CHRNE: variants seen among roughly 807,000 people sequenced by gnomAD.
CHRNE encodes acetylcholine receptor subunit epsilon.
Under a neutral mutation model 56.5 loss-of-function variants are expected in CHRNE, and 58 were observed. That is an observed-to-expected ratio of 1.03 (90% CI 0.83 to 1.28). CHRNE has a LOEUF of 1.28. Ranked by LOEUF, CHRNE falls within the 50% of genes most tolerant of loss-of-function variation. The probability of loss-of-function intolerance (pLI) is 0.00; values close to 1 mark genes in which losing one functional copy is unlikely to be tolerated. For missense variants in CHRNE, 793 were observed against 688.9 expected, an observed-to-expected ratio of 1.15 and a Z score of -1.69; for synonymous variants, 385 against 297.9, an observed-to-expected ratio of 1.29 and a Z score of -3.01.
At chr17:4,907,432 G>A (rs894261292), upstream of CHRNE, among the ~76,000 whole-genome samples, 3 of 151,680 alleles carry the variant, frequency 2.0e-5, no homozygotes. Flanking sequence ...GCCGGGCATG[G>A]TGGCGGGCGC....
In CHRNE at chr17:4,902,251, G is replaced by A. The variant is rs1464207636; in HGVS notation, c.310C>T (p.Leu104Phe). The A allele has an allele frequency of 6.2e-7, 1 of 1,614,148 alleles. No individual in the cohort carries two copies. The highest frequency in any genetic ancestry group is 2.2e-5 in the East Asian group (1 of 44,850). ...GIETLRVPSE[L>F]VWLPEIVLEN... is the part of the protein sequence containing the mutation. ...AGCACAATCTCTGGCAGCCACACGAGTTCTGAAGGGACTCGCAGGGTTTCT... is the reference window on the plus strand; with the variant it reads ...AGCACAATCTCTGGCAGCCACACGAATTCTGAAGGGACTCGCAGGGTTTCT... Residue 104 changes from leucine to phenylalanine, a missense_variant, in exon 4 of 12, where the codon CTC becomes TTC. Leu to Phe is a conservative substitution (Grantham distance 22). Transcript: ENST00000649488. The surrounding 1 kb of genome is among the most constrained non-coding windows in gnomAD (Gnocchi z 4.0).
intron 11 of CHRNE, 40 bp from the exon 12 acceptor site, chr17:4,898,931 A>C: frequency 1.3e-6 from 2 of 1,566,290 alleles, no homozygotes; most frequent in South Asian, 2.3e-5. Context: ...AGGCAGCTGC[A>C]GGAGCCAGCG....
At chr17:4,903,827 GA>G (rs1567640838), upstream of CHRNE, among the ~76,000 whole-genome samples, 1 of 152,056 alleles carries the variant, frequency 6.6e-6, no homozygotes, top group East Asian at 1.9e-4. Flanking sequence ...CACACCTGAT[GA>G]CACCTTAATA....
intron 8 of CHRNE, chr17:4,899,870 G>A (rs765735484): frequency 3.0e-5 from 46 of 1,543,564 alleles, no homozygotes; most frequent in Non-Finnish European, 3.9e-5. Flanking sequence ...GAGACCTTCT[G>A]GGTAGGTCTC....
intron 5 of CHRNE, 23 bp downstream of exon 5, chr17:4,901,909 G>A (rs1970002532): frequency 6.3e-7 from 1 of 1,587,446 alleles, no homozygotes; most frequent in African/African-American, 1.4e-5. Context: ...TAATCGTCCG[G>A]GCCTCGGAGT....
In CHRNE at chr17:4,900,799, A is replaced by T; in HGVS notation, c.911T>A (p.Leu304Gln). 6 of 1,613,656 alleles carry T rather than the reference A, an allele frequency of 3.7e-6. No homozygotes were observed. The highest frequency in any genetic ancestry group is 2.2e-5 in the South Asian group (2 of 91,048). ...IPETSLSVPL[L>Q]GRFLIFVMVV... ...GCGGGGGCTCCGGCTTCACCTGCCC[A>T]GGAGCGGCACGCTCAGAGAAGTCTC... Residue 304 changes from leucine to glutamine, a missense_variant, in exon 8 of 12, where the codon CTG (leucine) becomes CAG (glutamine). Leu to Gln is a moderately radical substitution (Grantham distance 113, BLOSUM62 -2). Coordinates refer to ENST00000649488, the MANE Select transcript of CHRNE (RefSeq NM_000080.4).
chr17:4,899,167 C>G, intron 10 of CHRNE, 31 bp downstream of exon 10: 1 of 1,591,878 alleles, frequency 6.3e-7, no homozygotes, highest in Non-Finnish European at 8.5e-7. Flanking sequence ...GCACCCCGCG[C>G]GGCCCCCCGG....
chr17:4,899,736 TCTC>T, intron 8 of CHRNE, 154 bp from the exon 9 acceptor site: 2 of 1,547,878 alleles, frequency 1.3e-6, no homozygotes. Context: ...CCCCAGCCCT[TCTC>T]CTGTCCTACC....
rs931818729 is a variant in CHRNE, at chr17:4,901,201, G to T, written c.602-11C>A. On this transcript the variant is annotated splice_polypyrimidine_tract_variant and intron_variant, in intron 6 of 11. Coordinates refer to ENST00000649488, the MANE Select transcript of CHRNE (RefSeq NM_000080.4). ...CCCACTCGCCGTTCTCTGCGGGACG[G>T]GGGCACGGTCAGCTGGCTGTCAGAG... The T allele has an allele frequency of 1.3e-5, 20 of 1,599,646 alleles. No homozygotes were observed. Among genetic ancestry groups the T allele is most frequent in the Non-Finnish European group, 1.7e-5 (20 of 1,177,404 alleles).
chr17:4,907,286 G>A (rs147718882), upstream of CHRNE, among the ~76,000 whole-genome samples: 3,223 of 152,166 alleles, frequency 0.021, 110 homozygotes, highest in African/African-American at 0.072. Context: ...ACTCCGGGCC[G>A]GGCGCGGGGG....
chr17:4,899,145 C>A (rs765158140), intron 10 of CHRNE, 38 bp from the exon 11 acceptor site: 2 of 1,596,410 alleles, frequency 1.3e-6, no homozygotes, highest in Non-Finnish European at 1.7e-6. Context: ...TTAGGAGCCT[C>A]CCCCCTGGCA....
chr17:4,902,402 A>AG lies in CHRNE; in HGVS notation c.234+47dup. The AG allele has an allele frequency of 6.2e-7, 1 of 1,613,580 alleles. No individual in the cohort carries two copies. The highest frequency in any genetic ancestry group is 1.6e-4 in the Middle Eastern group (1 of 6,062). On this transcript the variant is annotated intron_variant, in intron 3 of 11. Transcript: ENST00000649488. The surrounding 1 kb of genome is among the most constrained non-coding windows in gnomAD (Gnocchi z 4.0). ...CTGCCTGGGAGGGGTTTGGGGGAAA[A>AG]GGGGTGCCCTGGACAAGACCTCACA...
chr17:4,901,846 C>A, intron 5 of CHRNE, 86 bp downstream of exon 5: 1 of 1,585,578 alleles, frequency 6.3e-7, no homozygotes, highest in Non-Finnish European at 8.6e-7. Context: ...AAGCCCCGCC[C>A]CGAGGGCGGT....
At chr17:4,901,713 G>C in intron 5 of CHRNE, 88 bp from the exon 6 acceptor site, 1 of 1,381,874 alleles carries the variant, frequency 7.2e-7, no homozygotes, top group Non-Finnish European at 1.0e-6. Context: ...GATCTAGCGG[G>C]GCCGCGATCC....
At position 4,901,898 on chromosome 17, in the gene CHRNE, A is replaced by G. The variant is rs529462077; in HGVS notation, c.500+34T>C. The G allele has an allele frequency of 6.1e-6, 9 of 1,469,574 alleles. No homozygotes were observed. In the African/African-American group the frequency reaches 8.7e-5, roughly 14 times the overall value. 91.0% of individuals were successfully genotyped at this position (1,469,574 alleles called of 1,614,324 possible). A position where few individuals can be genotyped will look rare whatever the true frequency, so the allele number is the denominator to read the frequency against. The stretch of plus-strand genomic sequence containing the variant: ...CGCCCCATAAGGCCCCCCCCCAACA[A>G]TAATCGTCCGGGCCTCGGAGTAGCT... On this transcript the variant is annotated intron_variant, in intron 5 of 11. Coordinates refer to ENST00000649488, the MANE Select transcript of CHRNE (RefSeq NM_000080.4).
upstream of CHRNE, among the ~76,000 whole-genome samples, chr17:4,905,439 C>T (rs1970080250): frequency 6.6e-6 from 1 of 152,188 alleles, no homozygotes; most frequent in Admixed American, 6.5e-5. Flanking sequence ...ATGGTGCATG[C>T]CTGTAGTCCC....
chr17:4,900,551 G>A, intron 8 of CHRNE: 1 of 1,550,436 alleles, frequency 6.4e-7, no homozygotes, highest in Non-Finnish European at 8.7e-7. Context: ...AGGCGGCGGG[G>A]CTAGGGAGGC....
At chr17:4,901,317 G>T in intron 6 of CHRNE, 127 bp from the exon 7 acceptor site, 1 of 1,083,836 alleles carries the variant, frequency 9.2e-7, no homozygotes, top group Non-Finnish European at 1.4e-6. Flanking sequence ...GGCAATTACG[G>T]ACAGAAAAGG....
Position 4,899,126 on chromosome 17 carries a change from G to A in CHRNE, c.1220-19C>T, listed in dbSNP as rs1407865805. On this transcript the variant is annotated intron_variant, in intron 10 of 11. Coordinates refer to ENST00000649488, the MANE Select transcript of CHRNE (RefSeq NM_000080.4). The stretch of plus-strand genomic sequence containing the variant: ...AAGGCAGCTGGCGGGGAAAACACCG[G>A]GGTGGGCCTTAGGAGCCTCCCCCCT... 1 of 1,603,584 alleles carries A rather than the reference G, an allele frequency of 6.2e-7. No individual in the cohort carries two copies. Among genetic ancestry groups the A allele is most frequent in the Non-Finnish European group, 8.5e-7 (1 of 1,176,868 alleles).
Sources: allele counts gnomAD v4.1 joint callset (sites outside exome capture counted in the v4.1 genomes callset), GRCh38; gene constraint gnomAD v4.1.1; non-coding constraint Gnocchi (gnomAD v3.1); transcripts MANE v1.5; gene names NCBI Gene and HGNC (gene_info 2026-07-23, HGNC 2026-07-21).